ARID1B: variants seen among roughly 807,000 people sequenced by gnomAD.
ARID1B encodes the protein AT-rich interaction domain 1B.
In ARID1B, 30 loss-of-function variants were observed where a neutral mutation model predicts 212.3. The observed-to-expected ratio is 0.14, with a 90% CI of 0.11 to 0.19. The LOEUF (loss-of-function observed/expected upper bound fraction) is 0.19, where lower values mean the gene tolerates loss of function less well. ARID1B is among the 10% of genes least tolerant of loss of function. The probability of loss-of-function intolerance (pLI) is 1.00; values close to 1 mark genes in which losing one functional copy is unlikely to be tolerated. For missense variants in ARID1B, 2,891 were observed against 3,204.0 expected (o/e 0.90, Z 2.36); for synonymous variants, 1,402 against 1,301.7 (o/e 1.08, Z -1.66).
At chr6:156,878,744 G>T (rs1396433837) in intron 2 of ARID1B, among the ~76,000 whole-genome samples, 1 of 152,220 alleles carries the variant, frequency 6.6e-6, no homozygotes, top group Non-Finnish European at 1.5e-5. Context: ...CCAGAAGAGG[G>T]TTCATAGCTT....
chr6:156,938,865 A>T (rs1792459650), intron 4 of ARID1B: 1 of 152,190 alleles, frequency 6.6e-6, no homozygotes. Flanking sequence ...TAAATTCTTG[A>T]TGACCTTCAG....
chr6:156,782,306 A>G (rs1779337166), intron 1 of ARID1B, among the ~76,000 whole-genome samples: 1 of 152,008 alleles, frequency 6.6e-6, no homozygotes, highest in Admixed American at 6.5e-5. Flanking sequence ...AATAGTTTCT[A>G]TTGGGTGGCA....
chr6:156,811,303 C>G (rs560053380), intron 1 of ARID1B, among the ~76,000 whole-genome samples: 48 of 152,204 alleles, frequency 3.2e-4, no homozygotes, highest in Admixed American at 5.9e-4. Context: ...AGGTCTTACC[C>G]GTACTCAAGA....
At position 157,196,159 on chromosome 6, in the gene ARID1B, T is replaced by C. The variant is rs1313342871; in HGVS notation, c.4232-6T>C. The C allele has an allele frequency of 1.2e-6, 2 of 1,611,642 alleles. No homozygotes were observed. The highest frequency in any genetic ancestry group is 2.7e-5 in the African/African-American group (2 of 74,756). On this transcript the variant is annotated splice_region_variant and splice_polypyrimidine_tract_variant and intron_variant, in intron 15 of 19. Coordinates refer to ENST00000636930, the MANE Select transcript of ARID1B (RefSeq NM_001374828.1). ...AAATGTATGCATTTTATTTAAAATA[T>C]TGCAGTGCCTGGAAGCAGCGAGCCC...
chr6:156,830,995 C>T (rs2128052427), intron 2 of ARID1B, among the ~76,000 whole-genome samples: 1 of 152,272 alleles, frequency 6.6e-6, no homozygotes, highest in Non-Finnish European at 1.5e-5. Flanking sequence ...CAGTCAGTTG[C>T]ATACTTAATT....
chr6:156,974,648 C>G (rs182588305), intron 4 of ARID1B, among the ~76,000 whole-genome samples: 1 of 152,266 alleles, frequency 6.6e-6, no homozygotes, highest in African/African-American at 2.4e-5. Flanking sequence ...TTTACTTTTT[C>G]TTAGATACTG....
At chr6:157,142,730 A>T (rs1201574805) in intron 7 of ARID1B, among the ~76,000 whole-genome samples, 1 of 152,212 alleles carries the variant, frequency 6.6e-6, no homozygotes, top group Non-Finnish European at 1.5e-5. Context: ...ATAAATGCAT[A>T]TTTAGCCCTA....
chr6:156,935,434 A>T (rs1466032039), intron 3 of ARID1B, 32 bp from the exon 4 acceptor site: 1 of 1,535,750 alleles, frequency 6.5e-7, no homozygotes, highest in African/African-American at 1.4e-5. Flanking sequence ...TGAGATATTT[A>T]TGAAGTGCTT....
At chr6:156,787,737 A>C (rs1779739884) in intron 1 of ARID1B, among the ~76,000 whole-genome samples, 1 of 152,108 alleles carries the variant, frequency 6.6e-6, no homozygotes, top group Non-Finnish European at 1.5e-5. Flanking sequence ...GGGGACTGGC[A>C]TGTTTGCTGT....
chr6:157,051,687 A>G (rs1782615534), intron 4 of ARID1B, among the ~76,000 whole-genome samples: 1 of 152,212 alleles, frequency 6.6e-6, no homozygotes. Context: ...AAAAATGAAT[A>G]TTTATAATAC....
chr6:156,997,170 G>T (rs1778641977), intron 4 of ARID1B, among the ~76,000 whole-genome samples: 1 of 152,178 alleles, frequency 6.6e-6, no homozygotes. Context: ...CTTAAAATTT[G>T]TGATTTACCA....
chr6:157,084,531 C>G, intron 4 of ARID1B, 131 bp from the exon 5 acceptor site: 1 of 1,195,206 alleles, frequency 8.4e-7, no homozygotes, highest in African/African-American at 1.5e-5. Flanking sequence ...AGTGGCCATG[C>G]TTTTTTATTT....
chr6:156,835,923 T>G (rs1043078707), intron 2 of ARID1B, among the ~76,000 whole-genome samples: 4 of 81,278 alleles, frequency 4.9e-5, no homozygotes, highest in African/African-American at 2.5e-4. Context: ...TAAATTTTTT[T>G]GTAGAGACGT....
At chr6:157,084,981 T>C (rs1408402532) in intron 5 of ARID1B, 76 bp downstream of exon 5, 5 of 1,509,402 alleles carry the variant, frequency 3.3e-6, no homozygotes, top group Middle Eastern at 3.6e-4. Flanking sequence ...GTAACTCACA[T>C]TACTTTACTA....
chr6:157,110,654 AT>A (rs1204608081), intron 6 of ARID1B, 93 bp downstream of exon 6: 8 of 1,170,764 alleles, frequency 6.8e-6, no homozygotes, highest in South Asian at 1.3e-5. Flanking sequence ...CTTATCATTA[AT>A]TTTTTTAAAG....
chr6:157,162,069 A>G (rs756949842), intron 8 of ARID1B, among the ~76,000 whole-genome samples: 4 of 152,080 alleles, frequency 2.6e-5, no homozygotes, highest in Non-Finnish European at 5.9e-5. Context: ...GTCTGTCCCT[A>G]CCCTTCTCCA....
rs150140314 is a variant in ARID1B at position 157,133,100 on chromosome 6, C to G, written c.2654C>G (p.Ser885Trp). The part of the protein sequence containing the change: ...YGPQQTGPSM[S>W]PHPSPGGQMH... ...CCTCAACAGACAGGACCATCCATGT[C>G]GCCTCATCCTTCTCCTGGGGGCCAG... is the stretch of plus-strand genomic sequence containing the variant. Residue 885 changes from serine to tryptophan, a missense_variant, in exon 7 of 20, where the codon TCG becomes TGG. Physicochemically the swap from Ser to Trp is radical, Grantham distance 177. This residue lies in a region of ARID1B where 1,643 missense variants were observed against 1,544.0 expected (regional missense o/e 1.06). Coordinates refer to ENST00000636930, the MANE Select transcript of ARID1B (RefSeq NM_001374828.1). The G allele has an allele frequency of 5.6e-6, 9 of 1,614,182 alleles. No individual in the cohort carries two copies. The South Asian group carries it at 8.8e-5, about 16-fold the overall frequency.
At chr6:157,024,052 G>C (rs949331030) in intron 4 of ARID1B, 1 of 152,252 alleles carries the variant, frequency 6.6e-6, no homozygotes, top group African/African-American at 2.4e-5. Flanking sequence ...CATTTCATAT[G>C]AGATTTATCT....
intron 3 of ARID1B, among the ~76,000 whole-genome samples, chr6:156,917,049 A>G (rs535481649): frequency 6.6e-6 from 1 of 152,220 alleles, no homozygotes; most frequent in African/African-American, 2.4e-5. Flanking sequence ...GCTTTAAGGG[A>G]CACTGTTGTG....
Sources: allele counts gnomAD v4.1 joint callset (sites outside exome capture counted in the v4.1 genomes callset), GRCh38; gene constraint gnomAD v4.1.1; regional missense constraint gnomAD v4.1.1; transcripts MANE v1.5; gene names NCBI Gene and HGNC (gene_info 2026-07-23, HGNC 2026-07-21).